The following HYDIN variants were observed in gnomAD, a reference collection of about 807,000 sequenced individuals.
HYDIN encodes the protein HYDIN axonemal central pair apparatus protein, also known as axonemal central pair apparatus protein HYDIN.
HYDIN carries 132 observed loss-of-function variants against 403.9 expected under a neutral mutation model. That is an observed-to-expected ratio of 0.33 (90% CI 0.28 to 0.38). The LOEUF (loss-of-function observed/expected upper bound fraction) is 0.38. HYDIN is among the 10% of genes least tolerant of loss of function. The pLI, the probability that HYDIN is intolerant of heterozygous loss-of-function variation, is 1.00. For missense variants in HYDIN, 2,827 were observed against 5,009.5 expected (o/e 0.56, Z 13.15); for synonymous variants, 1,202 against 1,891.7 (o/e 0.64, Z 9.46).
intron 45 of HYDIN, among the ~76,000 whole-genome samples, chr16:70,926,036 T>C (rs1238943356): frequency 6.6e-6 from 1 of 151,038 alleles, no homozygotes; most frequent in Non-Finnish European, 1.5e-5. Context: ...GTTCAACCAT[T>C]GTGGAAGTCG....
chr16:71,177,177 A>G (rs1235430255), intron 4 of HYDIN, among the ~76,000 whole-genome samples: 1 of 152,200 alleles, frequency 6.6e-6, no homozygotes, highest in African/African-American at 2.4e-5. Context: ...TCTGGCAGAC[A>G]AAACTCACAC....
chr16:70,812,726 T>G (rs939756636), intron 84 of HYDIN, among the ~76,000 whole-genome samples: 2 of 152,222 alleles, frequency 1.3e-5, no homozygotes, highest in African/African-American at 4.8e-5. Context: ...CTTAAATAAG[T>G]GGAGATTTGC....
At chr16:70,980,534 T>A (rs8053108) in intron 29 of HYDIN, among the ~76,000 whole-genome samples, 33 of 147,074 alleles carry the variant, frequency 2.2e-4, no homozygotes, top group Admixed American at 8.8e-4. Flanking sequence ...CCTATATATA[T>A]ATATAAATAT....
intron 12 of HYDIN, among the ~76,000 whole-genome samples, chr16:71,086,123 T>C (rs1472893049): frequency 6.6e-6 from 1 of 151,994 alleles, no homozygotes; most frequent in Non-Finnish European, 1.5e-5. Context: ...TTTTCTACCC[T>C]TTTGAATTCC....
At position 70,970,609 on chromosome 16, in the gene HYDIN, C is replaced by T. The variant is rs368624137; in HGVS notation, c.5530G>A (p.Glu1844Lys). 8.6e-5 allele frequency: 121 copies of T among 1,411,148 alleles called. No individual in the cohort carries two copies. The highest frequency in any genetic ancestry group is 1.1e-4 in the Non-Finnish European group (106 of 998,152). The allele number at this position is 1,411,148 out of a possible 1,614,324, so 87.4% of individuals were successfully genotyped here. The change falls in exon 36 of 86, where the codon GAG becomes AAG. Residue 1844 changes from glutamate (E) to lysine (K), a missense_variant. Transcript: ENST00000393567. ...GGATTCTTCACTATCACCTCGGCCT[C>T]GTCTCCAGGTGCACAAAGTAGCAGT... ...GPLLLCAPGDEAEVIVKNPCN... is the reference protein window; with the variant it reads ...GPLLLCAPGDKAEVIVKNPCN...
intron 62 of HYDIN, among the ~76,000 whole-genome samples, chr16:70,877,539 A>C (rs1189265362): frequency 6.6e-6 from 1 of 152,192 alleles, no homozygotes; most frequent in African/African-American, 2.4e-5. Flanking sequence ...GGCAATGGGG[A>C]ATGGTTTTGG....
intron 14 of HYDIN, among the ~76,000 whole-genome samples, chr16:71,067,694 C>A (rs1428424569): frequency 6.6e-6 from 1 of 151,986 alleles, no homozygotes; most frequent in Non-Finnish European, 1.5e-5. Context: ...TGAGCAACAT[C>A]GAACCAACTT....
intron 10 of HYDIN, among the ~76,000 whole-genome samples, chr16:71,110,703 C>T (rs914629575): frequency 1.3e-5 from 2 of 150,438 alleles, no homozygotes; most frequent in Admixed American, 6.7e-5. Flanking sequence ...GTAGCACAGG[C>T]TTGGGTCAGG....
intron 19 of HYDIN, among the ~76,000 whole-genome samples, chr16:71,030,205 C>T (rs2080854477): frequency 6.6e-6 from 1 of 151,960 alleles, no homozygotes; most frequent in Non-Finnish European, 1.5e-5. Context: ...CATGTGACAT[C>T]ATGCGAGGCT....
intron 1 of HYDIN, among the ~76,000 whole-genome samples, chr16:71,223,438 C>G (rs971985481): frequency 2.6e-5 from 4 of 152,004 alleles, no homozygotes; most frequent in Non-Finnish European, 5.9e-5. Context: ...GACTAAGACC[C>G]TAAACGCAAA....
At chr16:71,159,911 A>G (rs1172436987) in intron 6 of HYDIN, among the ~76,000 whole-genome samples, 1 of 147,446 alleles carries the variant, frequency 6.8e-6, no homozygotes, top group Non-Finnish European at 1.5e-5. Context: ...GCTACAAGAA[A>G]TATTAAAGGT....
chr16:71,071,629 A>G (rs1321992652), intron 13 of HYDIN, among the ~76,000 whole-genome samples: 1 of 151,796 alleles, frequency 6.6e-6, no homozygotes, highest in African/African-American at 2.4e-5. Context: ...CAAGAGATTC[A>G]ATTCTCCTTC....
At chr16:71,123,866 A>G (rs1396499945) in intron 9 of HYDIN, among the ~76,000 whole-genome samples, 1 of 152,336 alleles carries the variant, frequency 6.6e-6, no homozygotes, top group African/African-American at 2.4e-5. Context: ...CATGTAAGAC[A>G]TGCCTTTCAC....
chr16:71,163,272 G>A (rs1281293638), intron 5 of HYDIN, among the ~76,000 whole-genome samples: 7 of 151,870 alleles, frequency 4.6e-5, no homozygotes, highest in East Asian at 1.9e-4. Flanking sequence ...AGAGGCACCC[G>A]CCACCACGCC....
At chr16:71,191,842 C>T (rs1303865373) in intron 1 of HYDIN, among the ~76,000 whole-genome samples, 2 of 152,210 alleles carry the variant, frequency 1.3e-5, no homozygotes, top group East Asian at 3.8e-4. Flanking sequence ...CTGCTTTCTC[C>T]TATATTCCCT....
At chr16:71,211,017 T>TAC (rs925826434) in intron 1 of HYDIN, among the ~76,000 whole-genome samples, 4 of 151,726 alleles carry the variant, frequency 2.6e-5, no homozygotes, top group Non-Finnish European at 2.9e-5. Flanking sequence ...TAAGAAATAT[T>TAC]ACACACACAC....
chr16:71,159,774 A>G (rs886505807), intron 6 of HYDIN, among the ~76,000 whole-genome samples: 3 of 151,544 alleles, frequency 2.0e-5, no homozygotes, highest in Admixed American at 6.6e-5. Context: ...AGTACTGAGG[A>G]AAAAAATATA....
At chr16:71,104,218 A>C (rs2083543856) in intron 10 of HYDIN, among the ~76,000 whole-genome samples, 2 of 151,928 alleles carry the variant, frequency 1.3e-5, no homozygotes, top group African/African-American at 4.8e-5. Flanking sequence ...CTTAATGAGT[A>C]GCCAGGGGGA....
chr16:70,851,482 A>C (rs2038652221), intron 73 of HYDIN, among the ~76,000 whole-genome samples: 1 of 148,340 alleles, frequency 6.7e-6, no homozygotes, highest in African/African-American at 2.6e-5. Context: ...GAAATGCTTC[A>C]CATTACTAAT....
Sources: allele counts gnomAD v4.1 joint callset (sites outside exome capture counted in the v4.1 genomes callset), GRCh38; gene constraint gnomAD v4.1.1; transcripts MANE v1.5; gene names NCBI Gene and HGNC (gene_info 2026-07-23, HGNC 2026-07-21).